CELF4: variants seen among roughly 807,000 people sequenced by gnomAD.
The protein encoded by CELF4 is CUGBP Elav-like family member 4.
Under a neutral mutation model 59.9 loss-of-function variants are expected in CELF4, and 18 were observed. The observed-to-expected ratio is 0.30, with a 90% CI of 0.21 to 0.45. The LOEUF (loss-of-function observed/expected upper bound fraction) is 0.45. Ranked by LOEUF, CELF4 falls within the 20% of genes least tolerant of loss-of-function variation. The pLI is 1.00. For missense variants in CELF4, 456 were observed against 689.0 expected, an observed-to-expected ratio of 0.66 and a Z score of 3.79; for synonymous variants, 261 against 267.1, an observed-to-expected ratio of 0.98 and a Z score of 0.22.
intron 2 of CELF4, among the ~76,000 whole-genome samples, chr18:37,418,140 C>T (rs2099544452): frequency 6.6e-6 from 1 of 152,296 alleles, no homozygotes; most frequent in East Asian, 1.9e-4. Context: ...CTGTCCTCTC[C>T]CCACCAAGTT....
chr18:37,524,291 G>A (rs1357451399), intron 1 of CELF4, among the ~76,000 whole-genome samples: 1 of 152,178 alleles, frequency 6.6e-6, no homozygotes, highest in Non-Finnish European at 1.5e-5. Flanking sequence ...CTGGCGGGTG[G>A]GTGGTAGGAT....
Position 37,456,555 on chromosome 18 carries a change from C to G in CELF4, c.369+28970G>C, listed in dbSNP as rs558700118. Among the ~76,000 whole-genome samples the G allele has an allele frequency of 3.9e-5, 6 of 152,274 alleles. No homozygotes were observed. In the South Asian group the frequency reaches 1.2e-3, roughly 32 times the overall value. Reference sequence around the variant, plus strand: ...ACTCAGATCCATGATGAACATGACTCCCTTATCTGCAGGGCCACATCTTTC... The same window carrying G: ...ACTCAGATCCATGATGAACATGACTGCCTTATCTGCAGGGCCACATCTTTC... On this transcript the variant is annotated intron_variant, in intron 2 of 12. Coordinates refer to ENST00000420428, the MANE Select transcript of CELF4 (RefSeq NM_020180.4).
At chr18:37,467,987 A>C (rs533592005) in intron 2 of CELF4, among the ~76,000 whole-genome samples, 7 of 152,232 alleles carry the variant, frequency 4.6e-5, no homozygotes, top group African/African-American at 1.4e-4. Context: ...ATGTGCGTGC[A>C]TGTGTGTGTG....
chr18:37,296,579 C>T (rs1447993927), intron 3 of CELF4, among the ~76,000 whole-genome samples: 2 of 152,172 alleles, frequency 1.3e-5, no homozygotes, highest in East Asian at 3.9e-4. Context: ...TGAAAGGGAA[C>T]ACTATTAATA....
chr18:37,506,448 G>A (rs2099938103), intron 1 of CELF4, among the ~76,000 whole-genome samples: 1 of 152,126 alleles, frequency 6.6e-6, no homozygotes, highest in Admixed American at 6.5e-5. Context: ...TCCAAGAGGG[G>A]GCTGGCTTGT....
chr18:37,362,350 C>G (rs2098717638), intron 2 of CELF4, among the ~76,000 whole-genome samples: 1 of 152,190 alleles, frequency 6.6e-6, no homozygotes, highest in African/African-American at 2.4e-5. Flanking sequence ...CGCATCACTC[C>G]CCGGCGGCAG....
At chr18:37,549,353 T>C (rs911016281) in intron 1 of CELF4, among the ~76,000 whole-genome samples, 3 of 152,302 alleles carry the variant, frequency 2.0e-5, no homozygotes, top group African/African-American at 4.8e-5. Flanking sequence ...ACATTTAACT[T>C]TGGGCAGGTT....
At chr18:37,480,697 G>A (rs1217440758) in intron 2 of CELF4, among the ~76,000 whole-genome samples, 3 of 152,140 alleles carry the variant, frequency 2.0e-5, no homozygotes, top group African/African-American at 7.2e-5. Flanking sequence ...TGGATGTCAG[G>A]GTTGAGGTGG....
chr18:37,273,684 T>C, intron 6 of CELF4: 1 of 987,924 alleles, frequency 1.0e-6, no homozygotes, highest in South Asian at 4.7e-5. Context: ...AGGCGGACAG[T>C]ACTGCAGAAG....
intron 1 of CELF4, among the ~76,000 whole-genome samples, chr18:37,506,753 G>A (rs2099938483): frequency 6.6e-6 from 1 of 152,202 alleles, no homozygotes; most frequent in South Asian, 2.1e-4. Flanking sequence ...GCCATTAAAC[G>A]CAATGTGGCG....
intron 2 of CELF4, among the ~76,000 whole-genome samples, chr18:37,467,935 T>C (rs756416192): frequency 8.5e-5 from 13 of 152,348 alleles, no homozygotes; most frequent in Admixed American, 2.0e-4. Flanking sequence ...TATGTACACA[T>C]ACTTTTGTGT....
At chr18:37,496,588 C>A (rs530874852) in intron 1 of CELF4, among the ~76,000 whole-genome samples, 1 of 152,338 alleles carries the variant, frequency 6.6e-6, no homozygotes, top group Non-Finnish European at 1.5e-5. Flanking sequence ...GCATCCAAGA[C>A]AGGCTATTTT....
At chr18:37,554,353 C>A (rs1435120925) in intron 1 of CELF4, among the ~76,000 whole-genome samples, 1 of 151,282 alleles carries the variant, frequency 6.6e-6, no homozygotes, top group Non-Finnish European at 1.5e-5. Flanking sequence ...GACCTTCTTG[C>A]CTCTTGATGA....
chr18:37,521,424 A>T (rs2099957311), intron 1 of CELF4, among the ~76,000 whole-genome samples: 1 of 152,048 alleles, frequency 6.6e-6, no homozygotes. Flanking sequence ...TTTTCTATAA[A>T]CTATATCAAC....
intron 2 of CELF4, among the ~76,000 whole-genome samples, chr18:37,465,904 G>C (rs1603641874): frequency 6.6e-6 from 1 of 152,268 alleles, no homozygotes; most frequent in African/African-American, 2.4e-5. Context: ...TCAGTATGCT[G>C]GCAGCAGAAT....
chr18:37,318,201 G>A (rs1269001182), intron 3 of CELF4, among the ~76,000 whole-genome samples: 4 of 151,740 alleles, frequency 2.6e-5, no homozygotes, highest in African/African-American at 7.3e-5. Context: ...CTCCTTCTGC[G>A]GCCACTGCTG....
intron 1 of CELF4, among the ~76,000 whole-genome samples, chr18:37,555,687 T>C (rs955108778): frequency 6.6e-6 from 1 of 152,240 alleles, no homozygotes; most frequent in African/African-American, 2.4e-5. Context: ...CTGACCTTTG[T>C]CCACACAACT....
At chr18:37,338,535 C>T (rs546172596) in intron 2 of CELF4, among the ~76,000 whole-genome samples, 13 of 151,970 alleles carry the variant, frequency 8.6e-5, no homozygotes, top group Non-Finnish European at 1.6e-4. Flanking sequence ...GCTGGGGTGG[C>T]GGGGGGGCTG....
At chr18:37,499,855 C>T (rs2099929505) in intron 1 of CELF4, among the ~76,000 whole-genome samples, 1 of 152,216 alleles carries the variant, frequency 6.6e-6, no homozygotes, top group African/African-American at 2.4e-5. Flanking sequence ...CCAAGTGGGT[C>T]CTTGGCACAG....
Sources: gnomAD v4.1 joint callset for allele counts (sites outside exome capture counted in the v4.1 genomes callset) on GRCh38, gnomAD v4.1.1 for gene constraint, MANE v1.5 for transcripts, NCBI Gene and HGNC (gene_info 2026-07-23, HGNC 2026-07-21) for gene names.